The following ACTR3C variants were observed in gnomAD, a reference collection of about 807,000 sequenced individuals.
ACTR3C encodes actin related protein 3C, also known as actin-related protein 3C.
A neutral mutation model predicts 26.3 loss-of-function variants in ACTR3C; 18 were observed. The ratio of observed to expected loss-of-function variants is 0.68; its 90% CI spans 0.47 to 1.01. The LOEUF (loss-of-function observed/expected upper bound fraction) is 1.01, where lower values mean the gene tolerates loss of function less well. Among genes scored for constraint, ACTR3C ranks in the 50% least tolerant of loss-of-function variants. The probability of loss-of-function intolerance (pLI) is 0.00; values close to 1 mark genes in which losing one functional copy is unlikely to be tolerated. For synonymous variants in ACTR3C, 55 were observed against 94.5 expected (o/e 0.58, Z 2.42); for missense variants, 184 against 250.7 (o/e 0.73, Z 1.80).
the ACTR3C span, among the ~76,000 whole-genome samples, chr7:150,226,452 T>C: frequency 6.6e-6 from 1 of 152,206 alleles, no homozygotes; most frequent in East Asian, 1.9e-4. Flanking sequence ...TTTGTTTGTT[T>C]TGAGATGGAG....
the ACTR3C span, among the ~76,000 whole-genome samples, chr7:149,927,486 T>C: frequency 2.6e-5 from 4 of 151,066 alleles, no homozygotes; most frequent in Admixed American, 1.3e-4. Flanking sequence ...CTCAGCACTT[T>C]GGGACGCCGA....
chr7:149,907,480 C>CTCT, the ACTR3C span, among the ~76,000 whole-genome samples: 216 of 120,488 alleles, frequency 1.8e-3, 2 homozygotes, highest in Middle Eastern at 7.2e-3. Flanking sequence ...CTCTTCTCTT[C>CTCT]TCTCTCTCTC....
chr7:150,057,443 G>A, the ACTR3C span, among the ~76,000 whole-genome samples: 23 of 152,206 alleles, frequency 1.5e-4, no homozygotes, highest in African/African-American at 5.1e-4. Context: ...ACCAGAGCTG[G>A]CTAATTTTGT....
the ACTR3C span, among the ~76,000 whole-genome samples, chr7:150,197,885 C>G: frequency 6.7e-6 from 1 of 149,490 alleles, no homozygotes; most frequent in Non-Finnish European, 1.5e-5. Context: ...CCTCTCCCCA[C>G]GGTCTCCCTC....
intron 1 of ACTR3C, among the ~76,000 whole-genome samples, chr7:150,297,962 AAAG>A (rs1481159936): frequency 6.6e-5 from 10 of 151,516 alleles, no homozygotes; most frequent in Admixed American, 2.6e-4. Flanking sequence ...GTGCACAAGG[AAAG>A]AAGGAGAGAG....
the ACTR3C span, among the ~76,000 whole-genome samples, chr7:150,020,588 C>T: frequency 6.6e-6 from 1 of 152,022 alleles, no homozygotes; most frequent in African/African-American, 2.4e-5. Flanking sequence ...GAAGAAGCCA[C>T]ACCTGGCTAT....
intron 6 of ACTR3C, among the ~76,000 whole-genome samples, chr7:150,257,066 A>G (rs753405232): frequency 3.3e-5 from 5 of 152,266 alleles, no homozygotes; most frequent in Admixed American, 6.5e-5. Context: ...TATGGAGAAA[A>G]CTGGGAATAC....
the ACTR3C span, among the ~76,000 whole-genome samples, chr7:149,911,385 T>C: frequency 6.6e-6 from 1 of 151,420 alleles, no homozygotes; most frequent in African/African-American, 2.4e-5. Context: ...AGACTATGAG[T>C]TCCACACGCT....
At chr7:150,105,654 T>C in the ACTR3C span, among the ~76,000 whole-genome samples, 2 of 152,074 alleles carry the variant, frequency 1.3e-5, no homozygotes, top group African/African-American at 4.8e-5. Flanking sequence ...GGTCCCTCAA[T>C]TATTTACTTA....
the ACTR3C span, among the ~76,000 whole-genome samples, chr7:150,046,185 G>A: frequency 1.3e-4 from 20 of 152,060 alleles, no homozygotes; most frequent in African/African-American, 4.6e-4. Flanking sequence ...GTACCTGTGT[G>A]TGTGCAAACC....
At chr7:150,158,762 G>A in the ACTR3C span, among the ~76,000 whole-genome samples, 1 of 152,092 alleles carries the variant, frequency 6.6e-6, no homozygotes, top group Non-Finnish European at 1.5e-5. Flanking sequence ...AATTTGCTGA[G>A]AGCAGATCTT....
chr7:150,091,548 CA>C, the ACTR3C span, among the ~76,000 whole-genome samples: 1 of 59,196 alleles, frequency 1.7e-5, no homozygotes, highest in African/African-American at 6.1e-5. Context: ...CATCAGCTTC[CA>C]AAAAAAAAGG....
chr7:150,290,380 C>T (rs985463972), intron 3 of ACTR3C, among the ~76,000 whole-genome samples: 2 of 152,230 alleles, frequency 1.3e-5, no homozygotes, highest in Non-Finnish European at 2.9e-5. Context: ...TGGGCACAGA[C>T]CTGCCACAGG....
chr7:150,184,556 C>T, the ACTR3C span, among the ~76,000 whole-genome samples: 2 of 150,136 alleles, frequency 1.3e-5, no homozygotes, highest in Non-Finnish European at 2.9e-5. Flanking sequence ...TAATGGTACA[C>T]ATAAACAGCT....
At chr7:149,931,940 G>A in the ACTR3C span, among the ~76,000 whole-genome samples, 3 of 152,174 alleles carry the variant, frequency 2.0e-5, no homozygotes, top group African/African-American at 7.2e-5. Flanking sequence ...TCATTCTGAG[G>A]AATAAAATAC....
the ACTR3C span, among the ~76,000 whole-genome samples, chr7:150,049,065 G>C: frequency 6.6e-6 from 1 of 152,048 alleles, no homozygotes; most frequent in Non-Finnish European, 1.5e-5. Context: ...CGAGAGCGAG[G>C]GAGGGCGACA....
chr7:150,242,604 T>G (rs2129608521), downstream of ACTR3C, among the ~76,000 whole-genome samples: 1 of 152,310 alleles, frequency 6.6e-6, no homozygotes, highest in East Asian at 1.9e-4. Context: ...TATAATAGTT[T>G]GAGTGGTTAA....
chr7:150,036,587 G>C, the ACTR3C span, among the ~76,000 whole-genome samples: 1 of 144,104 alleles, frequency 6.9e-6, no homozygotes, highest in Non-Finnish European at 1.6e-5. Context: ...CAAAGGCTTG[G>C]CTAATACTGC....
chr7:150,050,124 A>G, the ACTR3C span, among the ~76,000 whole-genome samples: 4 of 152,118 alleles, frequency 2.6e-5, no homozygotes, highest in African/African-American at 9.7e-5. Context: ...CTCTCCTAAC[A>G]TGGACATGAA....
Sources: allele counts gnomAD v4.1 joint callset (sites outside exome capture counted in the v4.1 genomes callset), GRCh38; gene constraint gnomAD v4.1.1; transcripts MANE v1.5; gene names NCBI Gene and HGNC (gene_info 2026-07-23, HGNC 2026-07-21).